ANTXR1: variants seen among roughly 807,000 people sequenced by gnomAD.
ANTXR1 encodes the protein ANTXR cell adhesion molecule 1.
In ANTXR1, 19 loss-of-function variants were observed where a neutral mutation model predicts 78.1. That is an observed-to-expected ratio of 0.24 (90% CI 0.17 to 0.36). The LOEUF is 0.36. ANTXR1 is among the 10% of genes least tolerant of loss of function. The pLI, the probability that ANTXR1 is intolerant of heterozygous loss-of-function variation, is 1.00. For missense variants in ANTXR1, 518 were observed against 718.6 expected (o/e 0.72, Z 3.19); for synonymous variants, 273 against 260.5 (o/e 1.05, Z -0.46).
intron 9 of ANTXR1, among the ~76,000 whole-genome samples, chr2:69,095,005 A>G (rs551565110): frequency 1.3e-5 from 2 of 152,330 alleles, no homozygotes; most frequent in East Asian, 3.9e-4. Context: ...AGGGTGCATC[A>G]ATAACCATCC....
chr2:69,141,064 T>A (rs1455044311), intron 12 of ANTXR1, among the ~76,000 whole-genome samples: 1 of 152,214 alleles, frequency 6.6e-6, no homozygotes. Context: ...TCCCTTTTCT[T>A]GACACATGGA....
chr2:69,131,321 C>T (rs1359648848), intron 12 of ANTXR1, among the ~76,000 whole-genome samples: 1 of 152,184 alleles, frequency 6.6e-6, no homozygotes, highest in Admixed American at 6.6e-5. Flanking sequence ...TATTCCAAGT[C>T]GTGCCTTCAC....
chr2:69,057,158 C>CT (rs1670094219), intron 3 of ANTXR1, among the ~76,000 whole-genome samples: 1 of 152,148 alleles, frequency 6.6e-6, no homozygotes. Context: ...ACCACCTGTA[C>CT]TTACCTGCTC....
chr2:69,045,115 C>T (rs1351113419), intron 3 of ANTXR1, among the ~76,000 whole-genome samples: 1 of 152,008 alleles, frequency 6.6e-6, no homozygotes, highest in African/African-American at 2.4e-5. Context: ...GTTGGCAAAC[C>T]ATATTATTGG....
intron 12 of ANTXR1, among the ~76,000 whole-genome samples, chr2:69,150,018 G>T (rs1039515488): frequency 3.9e-5 from 6 of 152,160 alleles, no homozygotes; most frequent in African/African-American, 1.4e-4. Context: ...GCCCTGCACC[G>T]GCACTTGTGA....
chr2:69,086,965 ATTT>A (rs2104269739), intron 8 of ANTXR1, among the ~76,000 whole-genome samples: 2 of 152,252 alleles, frequency 1.3e-5, no homozygotes, highest in East Asian at 3.9e-4. Flanking sequence ...TCCAATATGA[ATTT>A]TATTACCTAA....
At chr2:69,096,183 G>T (rs552535754) in intron 9 of ANTXR1, among the ~76,000 whole-genome samples, 27 of 151,316 alleles carry the variant, frequency 1.8e-4, no homozygotes, top group African/African-American at 6.3e-4. Flanking sequence ...GCATGAACCC[G>T]GGAGGCAGAG....
At chr2:69,134,910 T>C (rs1158522714) in intron 12 of ANTXR1, 2 of 259,128 alleles carry the variant, frequency 7.7e-6, no homozygotes, top group Non-Finnish European at 1.7e-5. Flanking sequence ...CCAGTCTCCA[T>C]AGAGCCATAC....
chr2:69,082,593 G>T (rs1670931093), intron 8 of ANTXR1, among the ~76,000 whole-genome samples: 1 of 152,110 alleles, frequency 6.6e-6, no homozygotes, highest in African/African-American at 2.4e-5. Context: ...AAGTGTTTCA[G>T]GCAGTGAAAC....
chr2:69,045,969 C>T (rs1244680487), intron 3 of ANTXR1, among the ~76,000 whole-genome samples: 1 of 152,152 alleles, frequency 6.6e-6, no homozygotes, highest in Non-Finnish European at 1.5e-5. Context: ...TTCTGTTCAA[C>T]AGAGAATCAT....
At chr2:69,033,000 G>A (rs904093909) in intron 1 of ANTXR1, among the ~76,000 whole-genome samples, 2 of 152,042 alleles carry the variant, frequency 1.3e-5, no homozygotes, top group Non-Finnish European at 2.9e-5. Flanking sequence ...TGTTAGCAAT[G>A]TCCCATGACA....
rs780145071 is a variant in ANTXR1 at position 69,075,620 on chromosome 2, G to A, written c.523G>A (p.Val175Ile). The change falls in exon 7 of 18, where the codon GTT (valine) becomes ATT (isoleucine). Residue 175 changes from valine to isoleucine, a missense_variant. Val to Ile is a conservative substitution (Grantham distance 29). Around this residue, in one of 5 missense-constraint regions of ANTXR1, gnomAD observed 264 missense variants for 391.8 expected, o/e 0.67. Transcript: ENST00000303714. The part of the protein sequence containing the change: ...ANRSRDLGAI[V>I]YCVGVKDFNE... Reference sequence around the variant, plus strand: ...TAGGTCTCGAGATCTTGGTGCAATTGTTTACTGTGTTGGTGTGAAAGATTT... The same window carrying A: ...TAGGTCTCGAGATCTTGGTGCAATTATTTACTGTGTTGGTGTGAAAGATTT... 3 of 1,614,050 alleles carry A rather than the reference G, an allele frequency of 1.9e-6. No individual in the cohort carries two copies. Among genetic ancestry groups the A allele is most frequent in the East Asian group, 2.2e-5 (1 of 44,866 alleles).
At chr2:69,119,276 C>T (rs747737225) in intron 10 of ANTXR1, among the ~76,000 whole-genome samples, 55 of 152,244 alleles carry the variant, frequency 3.6e-4, no homozygotes, top group Admixed American at 1.7e-3. Context: ...TGCGCTGCCT[C>T]GGATGCTCTC....
chr2:69,205,675 T>A (rs1371307866), intron 17 of ANTXR1, among the ~76,000 whole-genome samples: 3 of 152,180 alleles, frequency 2.0e-5, no homozygotes, highest in Admixed American at 2.0e-4. Context: ...ATGGTTTTTT[T>A]CTGCAACCTC....
At chr2:69,144,033 T>C (rs1170320055) in intron 12 of ANTXR1, among the ~76,000 whole-genome samples, 1 of 152,200 alleles carries the variant, frequency 6.6e-6, no homozygotes, top group Non-Finnish European at 1.5e-5. Flanking sequence ...TCAGCAGTAA[T>C]AAAATGGCTT....
intron 9 of ANTXR1, among the ~76,000 whole-genome samples, chr2:69,092,021 G>T (rs1374694387): frequency 6.6e-6 from 1 of 152,218 alleles, no homozygotes; most frequent in African/African-American, 2.4e-5. Flanking sequence ...AGGTGCTGGA[G>T]ATAAGGAAGG....
At chr2:69,146,526 C>A in intron 12 of ANTXR1, 1 of 407,646 alleles carries the variant, frequency 2.5e-6, no homozygotes, top group Non-Finnish European at 3.3e-6. Context: ...GCAGGGGCTA[C>A]CTGGTAAGGG....
intron 8 of ANTXR1, among the ~76,000 whole-genome samples, chr2:69,083,011 G>T (rs1295641989): frequency 6.6e-6 from 1 of 152,168 alleles, no homozygotes; most frequent in East Asian, 1.9e-4. Flanking sequence ...CGGAACCGAG[G>T]AATCAATCTA....
At chr2:69,166,712 A>G (rs1673835881) in intron 13 of ANTXR1, among the ~76,000 whole-genome samples, 1 of 152,132 alleles carries the variant, frequency 6.6e-6, no homozygotes, top group Admixed American at 6.5e-5. Context: ...GTCCCTCCTA[A>G]TGAGGAAGGC....
Sources: allele counts gnomAD v4.1 joint callset (sites outside exome capture counted in the v4.1 genomes callset), GRCh38; gene constraint gnomAD v4.1.1; regional missense constraint gnomAD v4.1.1; transcripts MANE v1.5; gene names NCBI Gene and HGNC (gene_info 2026-07-23, HGNC 2026-07-21).